SGCZ: variants seen among roughly 807,000 people sequenced by gnomAD.
SGCZ encodes the protein sarcoglycan zeta.
A neutral mutation model predicts 41.3 loss-of-function variants in SGCZ; 40 were observed. That is an observed-to-expected ratio of 0.97 (90% CI 0.75 to 1.26). The LOEUF is 1.26. SGCZ is among the 50% of genes most tolerant of loss of function. The pLI is 0.00. For missense variants in SGCZ, 552 were observed against 369.8 expected, an observed-to-expected ratio of 1.49 and a Z score of -4.04; for synonymous variants, 206 against 137.5, an observed-to-expected ratio of 1.50 and a Z score of -3.49.
intron 1 of SGCZ, among the ~76,000 whole-genome samples, chr8:14,834,882 T>C (rs1802644231): frequency 1.3e-5 from 2 of 152,152 alleles, no homozygotes; most frequent in African/African-American, 4.8e-5. Flanking sequence ...CTCACTTGCA[T>C]CACCTGCAAA....
intron 1 of SGCZ, among the ~76,000 whole-genome samples, chr8:14,900,576 G>C (rs765540069): frequency 3.3e-5 from 5 of 152,066 alleles, no homozygotes; most frequent in Non-Finnish European, 7.4e-5. Context: ...CTACTTACCA[G>C]CCCATATGCA....
intron 2 of SGCZ, among the ~76,000 whole-genome samples, chr8:14,539,554 C>A (rs1803396475): frequency 1.3e-5 from 2 of 151,656 alleles, no homozygotes; most frequent in African/African-American, 4.8e-5. Context: ...TTTTTTTAAA[C>A]TTATTTTAAG....
intron 2 of SGCZ, among the ~76,000 whole-genome samples, chr8:14,348,324 G>T (rs1425095969): frequency 6.6e-6 from 1 of 152,022 alleles, no homozygotes; most frequent in Non-Finnish European, 1.5e-5. Context: ...CCAAGTGCTG[G>T]CATTTGGAAT....
intron 3 of SGCZ, among the ~76,000 whole-genome samples, chr8:14,311,118 C>G (rs1801527878): frequency 6.6e-6 from 1 of 152,170 alleles, no homozygotes; most frequent in African/African-American, 2.4e-5. Context: ...GAATTCCAAT[C>G]CAACCATTCC....
intron 1 of SGCZ, among the ~76,000 whole-genome samples, chr8:14,932,901 C>T (rs1799959195): frequency 6.6e-6 from 1 of 151,906 alleles, no homozygotes; most frequent in Admixed American, 6.5e-5. Context: ...AGCACTAAAT[C>T]TGGCATTCAT....
At chr8:14,093,570 G>C (rs1801753344) in intron 7 of SGCZ, among the ~76,000 whole-genome samples, 1 of 152,028 alleles carries the variant, frequency 6.6e-6, no homozygotes, top group Non-Finnish European at 1.5e-5. Context: ...CTTTTCTCCA[G>C]AGATTTAATG....
At chr8:14,413,984 A>G (rs556672010) in intron 2 of SGCZ, among the ~76,000 whole-genome samples, 2 of 152,100 alleles carry the variant, frequency 1.3e-5, no homozygotes, top group African/African-American at 4.8e-5. Flanking sequence ...TTAGATTATT[A>G]ATCGAGACTG....
At chr8:15,099,456 G>A (rs1806518121) in intron 1 of SGCZ, among the ~76,000 whole-genome samples, 1 of 152,080 alleles carries the variant, frequency 6.6e-6, no homozygotes, top group Admixed American at 6.5e-5. Context: ...ATAAAGAACT[G>A]AAATCAAATA....
intron 1 of SGCZ, among the ~76,000 whole-genome samples, chr8:14,613,825 C>T (rs1358650666): frequency 1.3e-5 from 2 of 152,040 alleles, no homozygotes. Context: ...GAAATTGAGA[C>T]TGAAATGGCA....
chr8:14,342,127 A>T (rs1179499858), intron 2 of SGCZ, among the ~76,000 whole-genome samples: 1 of 152,142 alleles, frequency 6.6e-6, no homozygotes, highest in African/African-American at 2.4e-5. Context: ...AAATGCTGAT[A>T]GGGATATGAA....
At chr8:14,388,386 T>C (rs1804647330) in intron 2 of SGCZ, among the ~76,000 whole-genome samples, 1 of 151,896 alleles carries the variant, frequency 6.6e-6, no homozygotes, top group South Asian at 2.1e-4. Flanking sequence ...CTCAAAACAC[T>C]TTGCTATAAG....
intron 1 of SGCZ, among the ~76,000 whole-genome samples, chr8:15,113,564 A>G (rs762308990): frequency 6.6e-6 from 1 of 152,218 alleles, no homozygotes; most frequent in East Asian, 1.9e-4. Context: ...CTGCCTTCCC[A>G]TTACTCTTAA....
intron 2 of SGCZ, among the ~76,000 whole-genome samples, chr8:14,482,978 A>G (rs181514113): frequency 1.1e-4 from 17 of 152,086 alleles, no homozygotes; most frequent in African/African-American, 3.9e-4. Context: ...TTCTTACACC[A>G]TATATCTTTA....
At position 14,999,174 on chromosome 8, in the gene SGCZ, G is replaced by A. The variant is rs144371075; in HGVS notation, c.39+238411C>T. Among the ~76,000 whole-genome samples, 1,255 of 152,218 alleles carry A rather than the reference G, an allele frequency of 8.2e-3. 6 individuals carry two copies. Among genetic ancestry groups the A allele is most frequent in the Non-Finnish European group, 0.014 (923 of 68,016 alleles). On this transcript the variant is annotated intron_variant, in intron 1 of 7. Coordinates refer to ENST00000382080, the MANE Select transcript of SGCZ (RefSeq NM_139167.4). The stretch of plus-strand genomic sequence containing the variant: ...ATGTAGCCACACATATATGAGAAAC[G>A]GTTCAAACCAGTCACTTATCTAATA...
chr8:14,630,980 C>T (rs896547512), intron 1 of SGCZ, among the ~76,000 whole-genome samples: 8 of 151,950 alleles, frequency 5.3e-5, no homozygotes, highest in African/African-American at 1.7e-4. Flanking sequence ...TGTAACAAAC[C>T]TGCACGTTGT....
At chr8:14,671,893 C>A (rs1433811313) in intron 1 of SGCZ, among the ~76,000 whole-genome samples, 1 of 152,092 alleles carries the variant, frequency 6.6e-6, no homozygotes, top group East Asian at 1.9e-4. Flanking sequence ...CATAAACATA[C>A]TAATGTAATT....
At chr8:14,387,566 A>C (rs554243746) in intron 2 of SGCZ, among the ~76,000 whole-genome samples, 1 of 152,262 alleles carries the variant, frequency 6.6e-6, no homozygotes, top group Non-Finnish European at 1.5e-5. Flanking sequence ...TCTGCTTTTA[A>C]GGTTTTTAAA....
chr8:14,463,376 A>G (rs2116958175), intron 2 of SGCZ, among the ~76,000 whole-genome samples: 1 of 150,178 alleles, frequency 6.7e-6, no homozygotes, highest in South Asian at 2.1e-4. Flanking sequence ...GACCAATGGA[A>G]AAGAATACGA....
At position 15,237,851 on chromosome 8, in the gene SGCZ, G is replaced by A. The variant is rs1265968787; in HGVS notation, c.-228C>T. 1.1e-5 allele frequency: 6 copies of A among 529,820 alleles called. No individual in the cohort carries two copies. In the Admixed American group the frequency reaches 1.2e-4, roughly 11 times the overall value. 32.8% of individuals were successfully genotyped at this position (529,820 alleles called of 1,614,324 possible). ...TTACTTCCTCAAAGATTTAGTGACA[G>A]GTGATCTCTACCGCGGTGCAACACA... On this transcript the variant is annotated 5_prime_UTR_variant, in exon 1 of 8. Coordinates refer to ENST00000382080, the MANE Select transcript of SGCZ (RefSeq NM_139167.4).
Sources: allele counts gnomAD v4.1 joint callset (sites outside exome capture counted in the v4.1 genomes callset), GRCh38; gene constraint gnomAD v4.1.1; transcripts MANE v1.5; gene names NCBI Gene and HGNC (gene_info 2026-07-23, HGNC 2026-07-21).